Variants in SAMD12 observed in about 807,000 individuals in gnomAD.
SAMD12 encodes sterile alpha motif domain-containing protein 12.
A neutral mutation model predicts 15.0 loss-of-function variants in SAMD12; 9 were observed. The observed-to-expected ratio is 0.60, with a 90% CI of 0.36 to 1.05. The LOEUF is 1.05. Among genes scored for constraint, SAMD12 ranks in the 50% least tolerant of loss-of-function variants. The probability of loss-of-function intolerance (pLI) is 0.01; values close to 1 mark genes in which losing one functional copy is unlikely to be tolerated. For missense variants in SAMD12, 230 were observed against 234.2 expected (o/e 0.98, Z 0.12); for synonymous variants, 86 against 90.1 (o/e 0.96, Z 0.25).
At chr8:118,240,457 A>G (rs1337098117) in intron 4 of SAMD12, among the ~76,000 whole-genome samples, 1 of 152,152 alleles carries the variant, frequency 6.6e-6, no homozygotes, top group Admixed American at 6.6e-5. Context: ...CTGGATTTGC[A>G]TTCTGGTTTT....
At chr8:118,494,289 C>G (rs1378886232) in intron 2 of SAMD12, among the ~76,000 whole-genome samples, 2 of 152,158 alleles carry the variant, frequency 1.3e-5, no homozygotes. Flanking sequence ...GTCTATAAGA[C>G]CATTTTGGAC....
chr8:118,269,297 T>C (rs1394860185), intron 4 of SAMD12, among the ~76,000 whole-genome samples: 2 of 150,300 alleles, frequency 1.3e-5, no homozygotes, highest in African/African-American at 4.9e-5. Flanking sequence ...GCATTCGACC[T>C]GCTTTCGCTG....
intron 3 of SAMD12, among the ~76,000 whole-genome samples, chr8:118,416,083 G>GT (rs1162343806): frequency 1.6e-4 from 25 of 152,098 alleles, no homozygotes; most frequent in African/African-American, 5.6e-4. Context: ...GGAGAATAGG[G>GT]TTTTCTATCA....
At chr8:118,339,208 A>C (rs112186959) in intron 4 of SAMD12, among the ~76,000 whole-genome samples, 67 of 152,260 alleles carry the variant, frequency 4.4e-4, no homozygotes, top group African/African-American at 1.6e-3. Flanking sequence ...GCATGCCTGT[A>C]GTCCCAGCTA....
chr8:118,143,606 G>A, the SAMD12 span, among the ~76,000 whole-genome samples: 5 of 152,166 alleles, frequency 3.3e-5, no homozygotes, highest in African/African-American at 1.2e-4. Flanking sequence ...AGAGCTCAGT[G>A]GTGTTCTTCC....
intron 1 of SAMD12, among the ~76,000 whole-genome samples, chr8:118,609,006 A>C (rs537006694): frequency 4.1e-4 from 62 of 152,344 alleles, no homozygotes; most frequent in African/African-American, 1.5e-3. Context: ...TGGTCCTAAA[A>C]ACCTAAACTT....
chr8:118,567,368 C>T (rs1447120346), intron 2 of SAMD12, among the ~76,000 whole-genome samples: 9 of 152,074 alleles, frequency 5.9e-5, no homozygotes, highest in Non-Finnish European at 5.9e-5. Flanking sequence ...TCCATGTGTT[C>T]TAGTTCTGGC....
At chr8:118,499,049 C>T (rs1824705157) in intron 2 of SAMD12, among the ~76,000 whole-genome samples, 1 of 152,204 alleles carries the variant, frequency 6.6e-6, no homozygotes, top group Admixed American at 6.5e-5. Flanking sequence ...CAGTAATGAA[C>T]AACCCCCACA....
chr8:118,416,876 G>A (rs2515065), intron 3 of SAMD12, among the ~76,000 whole-genome samples: 140,303 of 152,232 alleles, frequency 0.92, 65,050 homozygotes, highest in Non-Finnish European at 0.98. Flanking sequence ...TTGCATTTTC[G>A]TTTCTCAAAG....
chr8:118,184,042 G>C, the SAMD12 span, among the ~76,000 whole-genome samples: 1 of 152,088 alleles, frequency 6.6e-6, no homozygotes, highest in African/African-American at 2.4e-5. Flanking sequence ...TTGACCCATA[G>C]TAAGCACTCA....
chr8:118,525,692 A>G (rs1451146032), intron 2 of SAMD12, among the ~76,000 whole-genome samples: 1 of 152,154 alleles, frequency 6.6e-6, no homozygotes, highest in Non-Finnish European at 1.5e-5. Context: ...TCCTTGTCCA[A>G]TGGACAGACA....
At chr8:118,215,075 T>G (rs1352386001) in intron 4 of SAMD12, among the ~76,000 whole-genome samples, 1 of 152,248 alleles carries the variant, frequency 6.6e-6, no homozygotes, top group Non-Finnish European at 1.5e-5. Flanking sequence ...ATATATTATT[T>G]TCTTTATAAA....
chr8:118,283,263 T>C (rs1333027871), intron 4 of SAMD12, among the ~76,000 whole-genome samples: 5 of 152,234 alleles, frequency 3.3e-5, no homozygotes, highest in African/African-American at 1.2e-4. Flanking sequence ...TTAGATCTTA[T>C]TCCTAACGTA....
At chr8:118,406,687 A>T (rs1287733108) in intron 3 of SAMD12, among the ~76,000 whole-genome samples, 1 of 152,134 alleles carries the variant, frequency 6.6e-6, no homozygotes, top group East Asian at 1.9e-4. Context: ...TGCCCACTGG[A>T]TAACAACTCC....
At chr8:118,509,405 G>A (rs1456290107) in intron 2 of SAMD12, among the ~76,000 whole-genome samples, 1 of 152,180 alleles carries the variant, frequency 6.6e-6, no homozygotes, top group Non-Finnish European at 1.5e-5. Flanking sequence ...CTGGCTGGCA[G>A]CAGAAATGCA....
At chr8:118,359,798 A>T (rs919726232) in intron 4 of SAMD12, among the ~76,000 whole-genome samples, 6 of 152,224 alleles carry the variant, frequency 3.9e-5, no homozygotes, top group African/African-American at 1.4e-4. Context: ...TAATAAACAT[A>T]TAATAAATGA....
intron 3 of SAMD12, among the ~76,000 whole-genome samples, chr8:118,435,092 G>A (rs1563858412): frequency 6.9e-6 from 1 of 143,954 alleles, no homozygotes; most frequent in African/African-American, 2.7e-5. Context: ...GACAGAGTGA[G>A]ACTCCATCTC....
intron 2 of SAMD12, among the ~76,000 whole-genome samples, chr8:118,541,758 T>A (rs1054942260): frequency 6.6e-6 from 1 of 152,224 alleles, no homozygotes; most frequent in African/African-American, 2.4e-5. Context: ...ATATACATAC[T>A]TATTTCAGTA....
intron 4 of SAMD12, among the ~76,000 whole-genome samples, chr8:118,301,839 C>T (rs1481868495): frequency 6.6e-6 from 1 of 152,096 alleles, no homozygotes; most frequent in Non-Finnish European, 1.5e-5. Flanking sequence ...GTTATTCTTA[C>T]AGAAATTCCT....
Sources: allele counts gnomAD v4.1 joint callset (sites outside exome capture counted in the v4.1 genomes callset), GRCh38; gene constraint gnomAD v4.1.1; transcripts MANE v1.5; gene names NCBI Gene and HGNC (gene_info 2026-07-23, HGNC 2026-07-21).